The following MSI2 variants were observed in gnomAD, a reference collection of about 807,000 sequenced individuals.
MSI2 encodes musashi RNA binding protein 2.
In MSI2, 17 loss-of-function variants were observed where a neutral mutation model predicts 45.6. That is an observed-to-expected ratio of 0.37 (90% CI 0.26 to 0.56). The LOEUF (loss-of-function observed/expected upper bound fraction) is 0.56. Among genes scored for constraint, MSI2 ranks in the 20% least tolerant of loss-of-function variants. MSI2 has a pLI of 0.77. For synonymous variants in MSI2, 156 were observed against 158.2 expected, an observed-to-expected ratio of 0.99 and a Z score of 0.11; for missense variants, 293 against 444.2, an observed-to-expected ratio of 0.66 and a Z score of 3.06.
rs575828017 is a variant in MSI2, at chr17:57,572,782, G to A, written c.455-24086G>A. ...GCCGACCTCCATTCGTCAGCACGGC[G>A]CCACATTTGGGTAGCACCTGCTTCC... On this transcript the variant is annotated intron_variant, in intron 7 of 13. Transcript: ENST00000284073. Among the ~76,000 whole-genome samples, 51 of 152,314 alleles carry A rather than the reference G, an allele frequency of 3.3e-4. 1 individual carries two copies. In the East Asian group the frequency reaches 8.1e-3, roughly 24 times the overall value.
chr17:57,644,773 G>T (rs190255792), intron 10 of MSI2, among the ~76,000 whole-genome samples: 1 of 152,040 alleles, frequency 6.6e-6, no homozygotes, highest in Admixed American at 6.5e-5. Flanking sequence ...TGGACCATTC[G>T]GGGCCGGTGA....
chr17:57,468,744 G>C lies in MSI2; in HGVS notation c.406-60932G>C, dbSNP rs2085377546. ...GGGATGCAGTCGGTGTGGTAGAGTGGCTGCCCAGAACGCGGGTCTCTTGGG... is the reference window on the plus strand; with the variant it reads ...GGGATGCAGTCGGTGTGGTAGAGTGCCTGCCCAGAACGCGGGTCTCTTGGG... On this transcript the variant is annotated intron_variant, in intron 6 of 13. Transcript: ENST00000284073. Among the ~76,000 whole-genome samples, 3 of 152,034 alleles carry C rather than the reference G, an allele frequency of 2.0e-5. No homozygotes were observed. The South Asian group carries it at 6.2e-4, about 32-fold the overall frequency.
At chr17:57,587,177 A>AAC (rs1904368266) in intron 7 of MSI2, among the ~76,000 whole-genome samples, 1 of 152,182 alleles carries the variant, frequency 6.6e-6, no homozygotes, top group Non-Finnish European at 1.5e-5. Context: ...CTTGGCCCTC[A>AAC]GCCCCACCTT....
At chr17:57,364,329 A>T (rs1362964191) in intron 5 of MSI2, among the ~76,000 whole-genome samples, 1 of 152,112 alleles carries the variant, frequency 6.6e-6, no homozygotes, top group Non-Finnish European at 1.5e-5. Context: ...AATAAAATAC[A>T]TATTTTTCTC....
intron 5 of MSI2, among the ~76,000 whole-genome samples, chr17:57,392,357 G>T (rs1045524992): frequency 6.6e-6 from 1 of 152,144 alleles, no homozygotes; most frequent in African/African-American, 2.4e-5. Flanking sequence ...GATGAGGGTG[G>T]GGAGCTTCAG....
chr17:57,688,682 G>A (rs1363591437), downstream of MSI2, among the ~76,000 whole-genome samples: 1 of 152,082 alleles, frequency 6.6e-6, no homozygotes, highest in Admixed American at 6.5e-5. Flanking sequence ...ATGTATATAT[G>A]TGAAGATACA....
chr17:57,507,225 C>CTCTGTG (rs1297862205), intron 6 of MSI2, among the ~76,000 whole-genome samples: 4 of 51,250 alleles, frequency 7.8e-5, no homozygotes, highest in East Asian at 1.1e-3. Flanking sequence ...CTTTGTCTCT[C>CTCTGTG]TGTGTGTGTG....
At chr17:57,414,393 T>G (rs941074937) in intron 6 of MSI2, among the ~76,000 whole-genome samples, 2 of 95,094 alleles carry the variant, frequency 2.1e-5, no homozygotes, top group Non-Finnish European at 4.1e-5. Context: ...AAAATTAGGA[T>G]TTTTTTTTTT....
At chr17:57,264,957 T>A (rs1293892481) in intron 5 of MSI2, 1 of 152,268 alleles carries the variant, frequency 6.6e-6, no homozygotes, top group African/African-American at 2.4e-5. Flanking sequence ...GACACTGTCT[T>A]GTATCTTTTG....
chr17:57,656,087 C>T (rs747887508), intron 11 of MSI2, among the ~76,000 whole-genome samples: 1 of 152,110 alleles, frequency 6.6e-6, no homozygotes, highest in Non-Finnish European at 1.5e-5. Flanking sequence ...GGGTCTTTGA[C>T]GGCTCGGCAC....
intron 6 of MSI2, among the ~76,000 whole-genome samples, chr17:57,411,650 A>C (rs1041637943): frequency 7.2e-5 from 11 of 152,104 alleles, no homozygotes; most frequent in African/African-American, 1.9e-4. Flanking sequence ...GTTAAACTTA[A>C]GCTGTTTATC....
intron 6 of MSI2, among the ~76,000 whole-genome samples, chr17:57,498,485 A>T (rs898776608): frequency 3.3e-5 from 5 of 152,248 alleles, no homozygotes; most frequent in Non-Finnish European, 5.9e-5. Flanking sequence ...CCCCAGGCAC[A>T]TGCATTTTGT....
chr17:57,622,085 G>C (rs572073095), intron 9 of MSI2, among the ~76,000 whole-genome samples: 1 of 152,228 alleles, frequency 6.6e-6, no homozygotes, highest in South Asian at 2.1e-4. Context: ...TGTAGTCCTA[G>C]CTACTCGGGA....
intron 5 of MSI2, among the ~76,000 whole-genome samples, chr17:57,285,133 G>A (rs916993280): frequency 5.1e-4 from 77 of 152,034 alleles, no homozygotes; most frequent in African/African-American, 1.8e-3. Flanking sequence ...ATAAGGAACC[G>A]TCAACATCCT....
At chr17:57,587,424 G>A (rs184503330) in intron 7 of MSI2, among the ~76,000 whole-genome samples, 2 of 152,292 alleles carry the variant, frequency 1.3e-5, no homozygotes, top group East Asian at 1.9e-4. Flanking sequence ...GGCAAATGCC[G>A]CCAACGTAGC....
At chr17:57,528,406 A>C (rs2144053905) in intron 6 of MSI2, among the ~76,000 whole-genome samples, 1 of 152,262 alleles carries the variant, frequency 6.6e-6, no homozygotes, top group Middle Eastern at 3.4e-3. Context: ...AGAAGGGGTT[A>C]CAGGATGCGT....
chr17:57,506,080 C>G (rs550955371), intron 6 of MSI2, among the ~76,000 whole-genome samples: 1 of 152,330 alleles, frequency 6.6e-6, no homozygotes, highest in Admixed American at 6.5e-5. Flanking sequence ...CCAGCAGGCA[C>G]TTACAAAAGG....
chr17:57,390,673 C>T (rs2083773680), intron 5 of MSI2, among the ~76,000 whole-genome samples: 1 of 152,164 alleles, frequency 6.6e-6, no homozygotes, highest in Admixed American at 6.5e-5. Context: ...GCTTTAGAAC[C>T]TGCCTACCAG....
intron 6 of MSI2, among the ~76,000 whole-genome samples, chr17:57,478,137 A>G (rs1346070155): frequency 6.6e-6 from 1 of 152,172 alleles, no homozygotes; most frequent in Non-Finnish European, 1.5e-5. Flanking sequence ...GGTATGCCAC[A>G]CTGGGCACAT....
Sources: gnomAD v4.1 joint callset for allele counts (sites outside exome capture counted in the v4.1 genomes callset) on GRCh38, gnomAD v4.1.1 for gene constraint, MANE v1.5 for transcripts, NCBI Gene and HGNC (gene_info 2026-07-23, HGNC 2026-07-21) for gene names.